The following PPP2R3B variants were observed in gnomAD, a reference collection of about 807,000 sequenced individuals.
PPP2R3B encodes protein phosphatase 2 regulatory subunit B''beta.
A neutral mutation model predicts 72.9 loss-of-function variants in PPP2R3B; 68 were observed. The observed-to-expected ratio is 0.93, with a 90% CI of 0.77 to 1.14. PPP2R3B has a LOEUF of 1.14. Among genes scored for constraint, PPP2R3B ranks in the 50% most tolerant of loss-of-function variants. The probability of loss-of-function intolerance (pLI) is 0.00; values close to 1 mark genes in which losing one functional copy is unlikely to be tolerated. For missense variants in PPP2R3B, 1,018 were observed against 842.0 expected, an observed-to-expected ratio of 1.21 and a Z score of -2.59; for synonymous variants, 466 against 375.8, an observed-to-expected ratio of 1.24 and a Z score of -2.78.
intron 4 of PPP2R3B, 80 bp downstream of exon 4, chrX:347,154 G>A (rs2071237049): frequency 1.2e-5 from 1 of 80,202 alleles, no homozygotes; most frequent in Admixed American, 1.1e-4. Flanking sequence ...TGTAGACGCC[G>A]GCCCTCCCAT....
chrX:375,752 C>T (rs1235429597), intron 1 of PPP2R3B, among the ~76,000 whole-genome samples: 1 of 145,250 alleles, frequency 6.9e-6, no homozygotes, highest in Admixed American at 6.9e-5. Flanking sequence ...ACCCAAAATG[C>T]GGGGGAAGCG....
intron 1 of PPP2R3B, among the ~76,000 whole-genome samples, chrX:385,060 G>A (rs7054845): frequency 0.086 from 12,874 of 150,402 alleles, 694 homozygotes; most frequent in Middle Eastern, 0.12. Context: ...GGTTCTGGCC[G>A]GTTGACAGAG....
At chrX:342,360 CT>C (rs1166752981) in intron 7 of PPP2R3B, 6 of 158,520 alleles carry the variant, frequency 3.8e-5, no homozygotes, top group African/African-American at 1.9e-4. Context: ...GGAGTGAGAC[CT>C]CAGCAACGGG....
intron 2 of PPP2R3B, among the ~76,000 whole-genome samples, chrX:351,265 C>T (rs756129189): frequency 2.1e-4 from 32 of 152,216 alleles, no homozygotes; most frequent in Admixed American, 1.3e-3. Flanking sequence ...GGTGCAGCAC[C>T]GGGTCCTTGG....
At chrX:345,416 C>CG in intron 7 of PPP2R3B, 100 bp downstream of exon 7, 1 of 1,462,652 alleles carries the variant, frequency 6.8e-7, no homozygotes, top group Non-Finnish European at 9.4e-7. Flanking sequence ...AGACACAGAG[C>CG]TGGGAGTGCG....
At chrX:342,140 A>C in intron 7 of PPP2R3B, 1 of 639,892 alleles carries the variant, frequency 1.6e-6, no homozygotes, top group South Asian at 1.8e-5. Flanking sequence ...CCAGCATGAA[A>C]TCCACAGAGC....
intron 1 of PPP2R3B, among the ~76,000 whole-genome samples, chrX:384,299 C>CA (rs1556284639): frequency 1.5e-5 from 2 of 133,858 alleles, no homozygotes; most frequent in African/African-American, 5.5e-5. Context: ...TATATATATA[C>CA]TTTTTTTTTT....
intron 7 of PPP2R3B, among the ~76,000 whole-genome samples, chrX:344,567 G>A (rs1448835134): frequency 6.6e-6 from 1 of 152,230 alleles, no homozygotes; most frequent in African/African-American, 2.4e-5. Flanking sequence ...CTGGGGCCGC[G>A]CCGGGCCGGG....
chrX:338,281 G>A (rs1297092114), intron 12 of PPP2R3B: 4 of 493,530 alleles, frequency 8.1e-6, no homozygotes, highest in Non-Finnish European at 7.4e-6. Flanking sequence ...TGCCAGCCGT[G>A]GGATAAGGAC....
intron 9 of PPP2R3B, 84 bp downstream of exon 9, chrX:341,223 C>T: frequency 6.8e-7 from 1 of 1,462,602 alleles, no homozygotes; most frequent in East Asian, 2.3e-5. Context: ...ACCAGGCGTG[C>T]AGGCATCCGC....
chrX:355,482 G>A (rs756137424), intron 2 of PPP2R3B, among the ~76,000 whole-genome samples: 5 of 152,312 alleles, frequency 3.3e-5, no homozygotes, highest in African/African-American at 7.2e-5. Flanking sequence ...CGGAGGGACC[G>A]GCTCTAAAAT....
chrX:352,724 G>A (rs1265552250), intron 2 of PPP2R3B, among the ~76,000 whole-genome samples: 1 of 151,914 alleles, frequency 6.6e-6, no homozygotes. Flanking sequence ...CACAGGGCAC[G>A]CCGACACCAA....
intron 1 of PPP2R3B, among the ~76,000 whole-genome samples, chrX:378,125 T>C (rs2072039880): frequency 6.6e-6 from 1 of 152,188 alleles, no homozygotes; most frequent in Non-Finnish European, 1.5e-5. Flanking sequence ...CAGCACGGAA[T>C]CTGCGAGGCC....
At chrX:340,217 A>G (rs1179241652) in intron 10 of PPP2R3B, among the ~76,000 whole-genome samples, 5 of 34,428 alleles carry the variant, frequency 1.5e-4, no homozygotes, top group Admixed American at 1.3e-3. Context: ...GGGGGGGGTG[A>G]GGGGAGGACC....
chrX:382,325 G>A (rs1236149266), intron 1 of PPP2R3B, among the ~76,000 whole-genome samples: 1 of 151,740 alleles, frequency 6.6e-6, no homozygotes. Context: ...AGCCTCCAGA[G>A]TAGCTGGGAT....
Position 347,575 on chromosome X carries a change from C to G in PPP2R3B, c.614+15G>C, listed in dbSNP as rs199623550. ...CGCCCTCCCGACACAGCCCCCTGCC[C>G]AGCCCAGGACTCACTTTCTCCACAT... On this transcript the variant is annotated intron_variant, in intron 3 of 12. Coordinates refer to ENST00000390665, the MANE Select transcript of PPP2R3B (RefSeq NM_013239.5). The G allele has an allele frequency of 3.3e-5, 51 of 1,563,718 alleles. No individual in the cohort carries two copies. The highest frequency in any genetic ancestry group is 4.2e-5 in the Non-Finnish European group (48 of 1,154,180).
At chrX:378,678 C>G (rs1334679656) in intron 1 of PPP2R3B, among the ~76,000 whole-genome samples, 1 of 151,950 alleles carries the variant, frequency 6.6e-6, no homozygotes, top group Non-Finnish European at 1.5e-5. Context: ...TCTCTGTCAA[C>G]AGAAGGGGAG....
intron 7 of PPP2R3B, chrX:345,293 C>T: frequency 2.8e-6 from 2 of 726,640 alleles, no homozygotes; most frequent in Middle Eastern, 2.6e-4. Context: ...TAGACGCCCC[C>T]AGGCAGAGGC....
At chrX:348,308 GCT>G (rs1449112643) in intron 2 of PPP2R3B, among the ~76,000 whole-genome samples, 10 of 151,918 alleles carry the variant, frequency 6.6e-5, no homozygotes, top group African/African-American at 2.4e-4. Context: ...GGGCGTGGTG[GCT>G]CATGCCTGTA....
Sources: allele counts gnomAD v4.1 joint callset (sites outside exome capture counted in the v4.1 genomes callset), GRCh38; gene constraint gnomAD v4.1.1; transcripts MANE v1.5; gene names NCBI Gene and HGNC (gene_info 2026-07-23, HGNC 2026-07-21).